The following LRRC7 variants were observed in gnomAD, a reference collection of about 807,000 sequenced individuals.
LRRC7 encodes leucine rich repeat containing 7, also known as leucine-rich repeat-containing protein 7.
Under a neutral mutation model 175.7 loss-of-function variants are expected in LRRC7, and 23 were observed. The ratio of observed to expected loss-of-function variants is 0.13; its 90% CI spans 0.09 to 0.19. The LOEUF (loss-of-function observed/expected upper bound fraction) is 0.19, where lower values mean the gene tolerates loss of function less well. LRRC7 is among the 10% of genes least tolerant of loss of function. The pLI is 1.00. For missense variants in LRRC7, 1,354 were observed against 1,904.7 expected (o/e 0.71, Z 5.38); for synonymous variants, 685 against 680.9 (o/e 1.01, Z -0.09).
rs1323511230 is a variant in LRRC7, at chr1:70,127,398, C to T, written c.*5511C>T. Reference sequence around the variant, plus strand: ...TTGAAAAACCGAGGGGGCAAGTCTACTCTAAGTTTTTATTTAAAAACATAC... The same window carrying T: ...TTGAAAAACCGAGGGGGCAAGTCTATTCTAAGTTTTTATTTAAAAACATAC... On this transcript the variant is annotated 3_prime_UTR_variant, in exon 27 of 27. Transcript: ENST00000651989. Among the ~76,000 whole-genome samples the T allele has an allele frequency of 2.0e-5, 3 of 152,142 alleles. No individual in the cohort carries two copies. The highest frequency in any genetic ancestry group is 4.4e-5 in the Non-Finnish European group (3 of 68,030).
chr1:69,575,710 T>C (rs1023669249), intron 1 of LRRC7, among the ~76,000 whole-genome samples: 7 of 152,170 alleles, frequency 4.6e-5, no homozygotes, highest in Admixed American at 2.0e-4. Flanking sequence ...TGTTGGATGA[T>C]GAAGAAATGT....
chr1:69,719,449 T>G (rs1300172530), intron 2 of LRRC7, among the ~76,000 whole-genome samples: 1 of 151,646 alleles, frequency 6.6e-6, no homozygotes. Context: ...TATTTTCTAA[T>G]CCTTAAATAA....
intron 4 of LRRC7, 41 bp from the exon 5 acceptor site, chr1:69,825,707 G>T (rs780514839): frequency 1.5e-6 from 2 of 1,309,126 alleles, no homozygotes; most frequent in Non-Finnish European, 2.2e-6. Flanking sequence ...AAGAATATTT[G>T]TTGGAACATT....
chr1:70,116,973 G>T (rs1665903799), intron 26 of LRRC7, among the ~76,000 whole-genome samples: 1 of 152,078 alleles, frequency 6.6e-6, no homozygotes, highest in Non-Finnish European at 1.5e-5. Flanking sequence ...CACTAATTTG[G>T]TCACTGCATT....
chr1:69,569,466 T>C (rs1645640738), intron 1 of LRRC7, among the ~76,000 whole-genome samples: 1 of 151,964 alleles, frequency 6.6e-6, no homozygotes, highest in Non-Finnish European at 1.5e-5. Flanking sequence ...TGTTTCGGAT[T>C]CGACGTGGAA....
chr1:70,117,899 ATT>A (rs1665963128), intron 26 of LRRC7, among the ~76,000 whole-genome samples: 1 of 152,136 alleles, frequency 6.6e-6, no homozygotes, highest in South Asian at 2.1e-4. Flanking sequence ...TTAATTTAAC[ATT>A]TGTTCTTCAA....
chr1:69,781,945 A>AGAAAG lies in LRRC7; in HGVS notation c.304-10098_304-10097insGAAAG, dbSNP rs1348084581. The stretch of plus-strand genomic sequence containing the variant: ...GAAAGAAAGAAAGAAAGAAAGAGAA[A>AGAAAG]AGAAAAGAAAGAAAGAAAGAAAAAG... On this transcript the variant is annotated intron_variant, in intron 3 of 26. Transcript: ENST00000651989. Among the ~76,000 whole-genome samples the AGAAAG allele has an allele frequency of 3.2e-4, 47 of 145,640 alleles. No individual in the cohort carries two copies. The East Asian group carries it at 6.0e-3, about 18-fold the overall frequency.
intron 4 of LRRC7, among the ~76,000 whole-genome samples, chr1:69,812,641 G>T (rs1319433528): frequency 6.6e-6 from 1 of 151,954 alleles, no homozygotes; most frequent in African/African-American, 2.4e-5. Context: ...CATATGAGAG[G>T]TATCATTAGG....
At chr1:69,597,993 C>T (rs771499941) in intron 1 of LRRC7, among the ~76,000 whole-genome samples, 1 of 152,132 alleles carries the variant, frequency 6.6e-6, no homozygotes, top group Non-Finnish European at 1.5e-5. Context: ...CTAAGAGACT[C>T]CTTTCATCTA....
At chr1:69,969,684 G>A (rs1007789461) in intron 8 of LRRC7, among the ~76,000 whole-genome samples, 2 of 151,988 alleles carry the variant, frequency 1.3e-5, no homozygotes, top group Admixed American at 6.5e-5. Context: ...TAATAGTGGG[G>A]GACTTCGATA....
intron 17 of LRRC7, among the ~76,000 whole-genome samples, chr1:70,023,582 T>C (rs1657752215): frequency 6.6e-6 from 1 of 152,056 alleles, no homozygotes; most frequent in Admixed American, 6.6e-5. Context: ...GGAGGGAATA[T>C]CAATGTGAGG....
At chr1:69,764,474 G>T (rs1186410864) in intron 3 of LRRC7, among the ~76,000 whole-genome samples, 1 of 151,948 alleles carries the variant, frequency 6.6e-6, no homozygotes, top group Non-Finnish European at 1.5e-5. Flanking sequence ...ATGTAAAAGA[G>T]ATGAGACTAA....
In LRRC7 at chr1:69,717,917, G is replaced by GAA. The variant is rs1665736511; in HGVS notation, c.100+39440_100+39441insAA. 4.9e-4 allele frequency among the ~76,000 whole-genome samples: 19 copies of GAA among 39,004 alleles called. 3 individuals carry two copies. Among genetic ancestry groups the GAA allele is most frequent in the African/African-American group, 2.5e-3 (19 of 7,554 alleles). 25.6% of individuals were successfully genotyped at this position (39,004 alleles called of 152,430 possible). A position where few individuals can be genotyped will look rare whatever the true frequency, so the allele number is the denominator to read the frequency against. The stretch of plus-strand genomic sequence containing the variant: ...AGGGAGGGAAGGAGGGAGAGAAAGA[G>GAA]AGAAAAAAAGAAAAGAAAGAAAGAA... On this transcript the variant is annotated intron_variant, in intron 2 of 26. Transcript: ENST00000651989.
intron 2 of LRRC7, among the ~76,000 whole-genome samples, chr1:69,713,745 G>A (rs1665039105): frequency 6.6e-6 from 1 of 150,850 alleles, no homozygotes; most frequent in Non-Finnish European, 1.5e-5. Flanking sequence ...GAATCTGCAT[G>A]GCATCTCGTA....
Position 70,131,663 on chromosome 1 carries a change from G to A in LRRC7, c.*9776G>A, listed in dbSNP as rs1666668579. On this transcript the variant is annotated 3_prime_UTR_variant, in exon 27 of 27. Coordinates refer to ENST00000651989, the MANE Select transcript of LRRC7 (RefSeq NM_001370785.2). Reference sequence around the variant, plus strand: ...AAAATTTTTGATTTAGAAAGATTTAGATAAAGTCATAGTATATCTTGAAGG... The same window carrying A: ...AAAATTTTTGATTTAGAAAGATTTAAATAAAGTCATAGTATATCTTGAAGG... Among the ~76,000 whole-genome samples the A allele has an allele frequency of 6.6e-6, 1 of 152,064 alleles. No individual in the cohort carries two copies. Among genetic ancestry groups the A allele is most frequent in the Admixed American group, 6.5e-5 (1 of 15,278 alleles).
intron 7 of LRRC7, among the ~76,000 whole-genome samples, chr1:69,879,228 AAAAAAAAAG>A (rs1292655120): frequency 3.5e-5 from 5 of 141,350 alleles, no homozygotes; most frequent in East Asian, 2.2e-4. Context: ...AAAAAAAAAA[AAAAAAAAAG>A]ACTGCGCACT....
rs1230562605 is a variant in LRRC7, at chr1:70,039,778, T to G, written c.3954T>G (p.Ala1318=). ...AACAGCTGCTTAGACATATAGAAGC[T>G]AGACGGTTAGACAGGGTATGTCTGG... is the stretch of plus-strand genomic sequence containing the variant. ...WRQQLLRHIE[A]RRLDRNAAYK... Residue 1318 remains alanine, a synonymous_variant, in exon 21 of 27, where the codon GCT becomes GCG. Coordinates refer to ENST00000651989, the MANE Select transcript of LRRC7 (RefSeq NM_001370785.2). 1.0e-5 allele frequency: 16 copies of G among 1,594,454 alleles called. No individual in the cohort carries two copies. The highest frequency in any genetic ancestry group is 1.4e-5 in the Non-Finnish European group (16 of 1,172,440).
At chr1:69,582,056 T>G (rs1451310474) in intron 1 of LRRC7, among the ~76,000 whole-genome samples, 1 of 152,204 alleles carries the variant, frequency 6.6e-6, no homozygotes, top group Non-Finnish European at 1.5e-5. Context: ...TATCTTTTCC[T>G]GGAGCTCTTC....
chr1:69,624,679 T>C (rs1009249201), intron 1 of LRRC7, among the ~76,000 whole-genome samples: 2 of 152,164 alleles, frequency 1.3e-5, no homozygotes, highest in African/African-American at 2.4e-5. Context: ...CTTTTGTATA[T>C]GTCATGATGT....
Sources: allele counts gnomAD v4.1 joint callset (sites outside exome capture counted in the v4.1 genomes callset), GRCh38; gene constraint gnomAD v4.1.1; transcripts MANE v1.5; gene names NCBI Gene and HGNC (gene_info 2026-07-23, HGNC 2026-07-21).